The following RPS6KA6 variants were observed in gnomAD, a reference collection of about 807,000 sequenced individuals.
RPS6KA6 encodes the protein ribosomal protein S6 kinase alpha-6.
Under a neutral mutation model 65.4 loss-of-function variants are expected in RPS6KA6, and 27 were observed. The ratio of observed to expected loss-of-function variants is 0.41; its 90% CI spans 0.30 to 0.57. The LOEUF (loss-of-function observed/expected upper bound fraction) is 0.57, where lower values mean the gene tolerates loss of function less well. Ranked by LOEUF, RPS6KA6 falls within the 20% of genes least tolerant of loss-of-function variation. The pLI is 0.24. For missense variants in RPS6KA6, 486 were observed against 555.6 expected, an observed-to-expected ratio of 0.87 and a Z score of 1.26; for synonymous variants, 190 against 184.2, an observed-to-expected ratio of 1.03 and a Z score of -0.26.
chrX:84,156,096 A>G lies in RPS6KA6; in HGVS notation c.237T>C (p.Leu79=), dbSNP rs2035411855. ...DPAQFELLKV[L]GQGSFGKVFL... is the part of the protein sequence containing the mutation. ...TTACCTTTCCAAATGACCCCTGACCAAGAACCTTGAGCAACTCAAACTGTG... is the reference window on the plus strand; with the variant it reads ...TTACCTTTCCAAATGACCCCTGACCGAGAACCTTGAGCAACTCAAACTGTG... The change falls in exon 3 of 22, where the codon CTT becomes CTC. Residue 79 remains leucine, a synonymous_variant. Coordinates refer to ENST00000262752, the MANE Select transcript of RPS6KA6 (RefSeq NM_014496.5). 1 of 1,183,267 alleles carries G rather than the reference A, an allele frequency of 8.5e-7. No homozygotes were observed. Among genetic ancestry groups the G allele is most frequent in the Non-Finnish European group, 1.1e-6 (1 of 871,627 alleles).
chrX:84,160,319 G>GAGGGCC (rs1255908070), intron 2 of RPS6KA6, among the ~76,000 whole-genome samples: 9 of 111,133 alleles, frequency 8.1e-5, no homozygotes, highest in Non-Finnish European at 1.3e-4. Flanking sequence ...TTTTAATCCA[G>GAGGGCC]AGGGCCAACA....
chrX:84,162,604 A>G, intron 2 of RPS6KA6, among the ~76,000 whole-genome samples: 1 of 112,054 alleles, frequency 8.9e-6, no homozygotes, highest in Non-Finnish European at 1.9e-5. Context: ...CTAAAATTAT[A>G]AAGGTAAATA....
rs760526186 is a variant in RPS6KA6, at chrX:84,116,852, T to C, written c.949+208A>G. ...GTAACCCATAATATATACATAATAA[T>C]AGGTTGAACAGAAGCTTTCATTAAC... On this transcript the variant is annotated intron_variant, in intron 11 of 21. Coordinates refer to ENST00000262752, the MANE Select transcript of RPS6KA6 (RefSeq NM_014496.5). 2.2e-4 allele frequency among the ~76,000 whole-genome samples: 25 copies of C among 111,728 alleles called. 1 individual carries two copies. The highest frequency in any genetic ancestry group is 9.3e-3 in the Middle Eastern group (2 of 214).
At chrX:84,082,412 G>A (rs371521297) in intron 20 of RPS6KA6, among the ~76,000 whole-genome samples, 12 of 111,547 alleles carry the variant, frequency 1.1e-4, no homozygotes, top group African/African-American at 3.6e-4. Context: ...CCTCTTCAAG[G>A]AGAACTATAA....
At chrX:84,173,159 C>T (rs764859597) in intron 1 of RPS6KA6, among the ~76,000 whole-genome samples, 1 of 110,300 alleles carries the variant, frequency 9.1e-6, no homozygotes, top group South Asian at 3.8e-4. Context: ...AATTTTAATG[C>T]TAAAAATAAG....
chrX:84,172,513 G>A (rs1037381687), intron 1 of RPS6KA6, among the ~76,000 whole-genome samples: 7 of 111,684 alleles, frequency 6.3e-5, no homozygotes, highest in African/African-American at 2.0e-4. Context: ...GTGCACTGTT[G>A]GTGACAACGT....
intron 8 of RPS6KA6, 113 bp from the exon 9 acceptor site, chrX:84,120,140 G>A: frequency 2.0e-6 from 1 of 488,324 alleles, no homozygotes; most frequent in Non-Finnish European, 3.1e-6. Context: ...ATGGCCTACA[G>A]TTACTCTTAA....
At chrX:84,161,681 C>G (rs1298974565) in intron 2 of RPS6KA6, among the ~76,000 whole-genome samples, 1 of 111,614 alleles carries the variant, frequency 9.0e-6, no homozygotes, top group Non-Finnish European at 1.9e-5. Context: ...GAATTCTTAA[C>G]AGACACATGT....
rs770385320 is a variant in RPS6KA6, at chrX:84,088,181, TG to T, written c.1971+8012del. 2.7e-5 allele frequency among the ~76,000 whole-genome samples: 3 copies of T among 111,554 alleles called. No individual in the cohort carries two copies. In the East Asian group the frequency reaches 8.5e-4, roughly 32 times the overall value. ...TGTCAATTCAGCCATCTCAGTCATT[TG>T]AAGGGGAAGAGGTCCTCTGCCTTTT... On this transcript the variant is annotated intron_variant, in intron 20 of 21. Coordinates refer to ENST00000262752, the MANE Select transcript of RPS6KA6 (RefSeq NM_014496.5).
intron 1 of RPS6KA6, chrX:84,186,946 G>A (rs1383530601): frequency 2.7e-5 from 3 of 111,949 alleles, no homozygotes; most frequent in African/African-American, 9.7e-5. Context: ...CAAAGCACCT[G>A]TGTACATCTA....
chrX:84,135,311 T>C (rs1171169411), intron 6 of RPS6KA6, 101 bp from the exon 7 acceptor site: 14 of 493,130 alleles, frequency 2.8e-5, no homozygotes, highest in Non-Finnish European at 4.4e-5. Flanking sequence ...TCTAGGAAAA[T>C]AATAAGATAA....
chrX:84,095,669 TA>T (rs1160541448), intron 20 of RPS6KA6, among the ~76,000 whole-genome samples: 2 of 112,053 alleles, frequency 1.8e-5, no homozygotes, highest in African/African-American at 6.5e-5. Flanking sequence ...TAATTTCACT[TA>T]AAAAATTTAA....
chrX:84,183,669 C>T (rs1299097671), intron 1 of RPS6KA6, among the ~76,000 whole-genome samples: 2 of 111,323 alleles, frequency 1.8e-5, no homozygotes, highest in African/African-American at 3.3e-5. Flanking sequence ...CAGAACATTT[C>T]CATGCCTTTT....
intron 20 of RPS6KA6, 29 bp from the exon 21 acceptor site, chrX:84,065,140 A>G: frequency 1.9e-6 from 2 of 1,052,675 alleles, no homozygotes; most frequent in Admixed American, 2.4e-5. Context: ...GTGTGTATAT[A>G]TATATACATG....
chrX:84,091,334 T>C (rs1012147211), intron 20 of RPS6KA6, among the ~76,000 whole-genome samples: 7 of 112,527 alleles, frequency 6.2e-5, no homozygotes, highest in African/African-American at 2.3e-4. Flanking sequence ...AAGAAATGAT[T>C]AGCTTATGAA....
At chrX:84,090,161 A>G (rs2034015162) in intron 20 of RPS6KA6, among the ~76,000 whole-genome samples, 1 of 112,397 alleles carries the variant, frequency 8.9e-6, no homozygotes, top group South Asian at 3.7e-4. Flanking sequence ...AATTGGTCAA[A>G]TGTGTAACAA....
Position 84,117,099 on chromosome X carries a change from GA to G in RPS6KA6, c.909del (p.Leu304Ter). The G allele has an allele frequency of 8.4e-7, 1 of 1,190,020 alleles. No homozygotes were observed. On this transcript the variant is annotated frameshift_variant, in exon 11 of 22. Transcript: ENST00000262752. LOFTEE classifies it high-confidence loss of function. The part of the protein sequence containing the change: ...PQFLSAEAQS[L>X]LRMLFKRNPA... Reference sequence around the variant, plus strand: ...GGATTCCTTTTGAATAACATCCTTAGAAGACTTTGTGCTTCAGCACTAAGAA... The same window carrying G: ...GGATTCCTTTTGAATAACATCCTTAGAGACTTTGTGCTTCAGCACTAAGAA...
chrX:84,091,000 G>C (rs2034033044), intron 20 of RPS6KA6, among the ~76,000 whole-genome samples: 1 of 111,659 alleles, frequency 9.0e-6, no homozygotes, highest in African/African-American at 3.3e-5. Flanking sequence ...AATGTGAGTG[G>C]ATTGAAAAGA....
intron 8 of RPS6KA6, among the ~76,000 whole-genome samples, chrX:84,127,806 A>G (rs776146381): frequency 9.1e-6 from 1 of 110,335 alleles, no homozygotes; most frequent in Non-Finnish European, 1.9e-5. Context: ...AAAATTGGGT[A>G]TAGAAGGAAC....
Sources: gnomAD v4.1 joint callset for allele counts (sites outside exome capture counted in the v4.1 genomes callset) on GRCh38, gnomAD v4.1.1 for gene constraint, MANE v1.5 for transcripts, NCBI Gene and HGNC (gene_info 2026-07-23, HGNC 2026-07-21) for gene names.